SATL1: variants seen among roughly 807,000 people sequenced by gnomAD.
The protein encoded by SATL1 is spermidine/spermine N1-acetyl transferase like 1.
A neutral mutation model predicts 51.8 loss-of-function variants in SATL1; 47 were observed. That is an observed-to-expected ratio of 0.91 (90% CI 0.72 to 1.16). The LOEUF is 1.16. Ranked by LOEUF, SATL1 falls within the 50% of genes most tolerant of loss-of-function variation. SATL1 has a pLI of 0.00. For synonymous variants in SATL1, 176 were observed against 182.4 expected, an observed-to-expected ratio of 0.97 and a Z score of 0.28; for missense variants, 520 against 526.4, an observed-to-expected ratio of 0.99 and a Z score of 0.12.
At chrX:85,192,963 AC>A (rs1440975303) in intron 2 of SATL1, among the ~76,000 whole-genome samples, 1 of 111,157 alleles carries the variant, frequency 9.0e-6, no homozygotes, top group African/African-American at 3.3e-5. Flanking sequence ...ACTTCACTCT[AC>A]TCTACTCTTG....
chrX:85,228,298 C>T (rs1342077985), intron 1 of SATL1, among the ~76,000 whole-genome samples: 1 of 111,137 alleles, frequency 9.0e-6, no homozygotes, highest in Admixed American at 9.6e-5. Context: ...CACATACCTT[C>T]TCCCTATTCA....
intron 2 of SATL1, among the ~76,000 whole-genome samples, chrX:85,166,339 A>T (rs1926834251): frequency 8.9e-6 from 1 of 112,212 alleles, no homozygotes; most frequent in South Asian, 3.6e-4. Context: ...CAAACAGACA[A>T]CCAACAGAGT....
Position 85,092,488 on chromosome X carries a change from T to C in SATL1, c.1991A>G (p.Tyr664Cys). ...AAGGTCTAAAGCCCCTCGACTAGTA[T>C]AGTAGTTGATAGAAGCCTGGTTCCA... The part of the protein sequence containing the change: ...VIWNQASINY[Y>C]TSRGALDLSS... Residue 664 changes from tyrosine (Y) to cysteine (C), a missense_variant, in exon 8 of 8, where the codon TAT becomes TGT. By Grantham distance (194) the Tyr-to-Cys change is radical. This residue lies in a region of SATL1 where 488 missense variants were observed against 474.3 expected (regional missense o/e 1.03). Transcript: ENST00000644105. 1 of 1,209,510 alleles carries C rather than the reference T, an allele frequency of 8.3e-7. No homozygotes were observed.
chrX:85,126,664 A>G (rs1272222196), intron 2 of SATL1, among the ~76,000 whole-genome samples: 1 of 111,212 alleles, frequency 9.0e-6, no homozygotes, highest in Non-Finnish European at 1.9e-5. Flanking sequence ...TGATTTGGAC[A>G]GTCCAACCAG....
rs746653197 is a variant in SATL1, at chrX:85,202,349, T to C, written c.-313+21856A>G. On this transcript the variant is annotated intron_variant, in intron 2 of 7. Transcript: ENST00000644105. ...CAATTTTTGCTTTTGTTGAAGTTGC[T>C]CTTGGTGTCTTTGAACGGTATTTCT... Among the ~76,000 whole-genome samples, 6 of 112,224 alleles carry C rather than the reference T, an allele frequency of 5.3e-5. No individual in the cohort carries two copies. In the East Asian group the frequency reaches 1.7e-3, roughly 31 times the overall value.
At chrX:85,233,956 C>G (rs1024243030) in intron 1 of SATL1, among the ~76,000 whole-genome samples, 11 of 110,886 alleles carry the variant, frequency 9.9e-5, no homozygotes, top group Non-Finnish European at 2.1e-4. Context: ...TTATAAAACA[C>G]CAAGCAAATG....
At chrX:85,096,479 G>A (rs1457409845) in intron 4 of SATL1, among the ~76,000 whole-genome samples, 1 of 111,153 alleles carries the variant, frequency 9.0e-6, no homozygotes, top group Non-Finnish European at 1.9e-5. Flanking sequence ...GAGGGAGAGA[G>A]AGAATTTGAA....
intron 4 of SATL1, among the ~76,000 whole-genome samples, chrX:85,095,409 T>G (rs1924677060): frequency 8.9e-6 from 1 of 111,881 alleles, no homozygotes; most frequent in Non-Finnish European, 1.9e-5. Context: ...TAACTGCCAT[T>G]GTTCCAACCC....
intron 2 of SATL1, among the ~76,000 whole-genome samples, chrX:85,145,881 C>A (rs981942378): frequency 4.8e-5 from 5 of 103,613 alleles, no homozygotes; most frequent in Non-Finnish European, 7.8e-5. Flanking sequence ...ATTCACATAA[C>A]ATTTATTACA....
At chrX:85,152,147 G>A (rs756859367) in intron 2 of SATL1, among the ~76,000 whole-genome samples, 1 of 111,820 alleles carries the variant, frequency 8.9e-6, no homozygotes, top group African/African-American at 3.2e-5. Context: ...CCATCAAAAT[G>A]TGGGCGAAGG....
chrX:85,151,211 T>G (rs1926425073), intron 2 of SATL1, among the ~76,000 whole-genome samples: 1 of 110,118 alleles, frequency 9.1e-6, no homozygotes, highest in South Asian at 4.0e-4. Flanking sequence ...GAACTCCCAT[T>G]CACAATTGCT....
intron 2 of SATL1, among the ~76,000 whole-genome samples, chrX:85,197,762 C>T (rs1038899992): frequency 2.8e-5 from 3 of 107,174 alleles, no homozygotes; most frequent in Admixed American, 1.0e-4. Flanking sequence ...GTTTTTTGTC[C>T]TTGCGATAGT....
chrX:85,147,250 C>T (rs191817069), intron 2 of SATL1, among the ~76,000 whole-genome samples: 285 of 84,224 alleles, frequency 3.4e-3, no homozygotes, highest in African/African-American at 0.012. Flanking sequence ...AACTGAAAGG[C>T]GACAGCAAGG....
At chrX:85,129,182 A>G (rs1925710230) in intron 2 of SATL1, among the ~76,000 whole-genome samples, 1 of 112,024 alleles carries the variant, frequency 8.9e-6, no homozygotes, top group African/African-American at 3.2e-5. Flanking sequence ...AATTCTGTGA[A>G]GAAAGTTATT....
At chrX:85,106,668 C>T (rs1273813752) in intron 3 of SATL1, among the ~76,000 whole-genome samples, 1 of 111,565 alleles carries the variant, frequency 9.0e-6, no homozygotes, top group Admixed American at 9.5e-5. Context: ...TACTAGATAG[C>T]TTGTCCCTTT....
chrX:85,211,270 TCTTAA>T (rs1454061269), intron 2 of SATL1: 1 of 111,649 alleles, frequency 9.0e-6, no homozygotes, highest in African/African-American at 3.3e-5. Flanking sequence ...ATGTACATAC[TCTTAA>T]CTGGTGTGGC....
chrX:85,187,919 G>GT (rs1217682934), intron 2 of SATL1, among the ~76,000 whole-genome samples: 79 of 106,245 alleles, frequency 7.4e-4, no homozygotes, highest in Middle Eastern at 4.8e-3. Context: ...TCTCTTTAAT[G>GT]TTTTTTTTTT....
chrX:85,093,871 T>TA lies in SATL1; in HGVS notation c.1876+256dup, dbSNP rs1202201839. Among the ~76,000 whole-genome samples the TA allele has an allele frequency of 2.7e-5, 3 of 111,036 alleles. No homozygotes were observed. The East Asian group carries it at 8.5e-4, about 31-fold the overall frequency. On this transcript the variant is annotated intron_variant, in intron 6 of 7. Transcript: ENST00000644105. Reference sequence around the variant, plus strand: ...AGAAAACCCTGTCTCAAAAACAAAATAAAAAAATATATAGCCATGTGATAG... The same window carrying TA: ...AGAAAACCCTGTCTCAAAAACAAAATAAAAAAAATATATAGCCATGTGATAG...
chrX:85,145,702 T>A (rs1368305602), intron 2 of SATL1, among the ~76,000 whole-genome samples: 1 of 111,011 alleles, frequency 9.0e-6, no homozygotes, highest in African/African-American at 3.3e-5. Flanking sequence ...CAGTCATAGC[T>A]ATGAAAGATT....
Sources: gnomAD v4.1 joint callset for allele counts (sites outside exome capture counted in the v4.1 genomes callset) on GRCh38, gnomAD v4.1.1 for gene constraint, gnomAD v4.1.1 regional missense constraint, MANE v1.5 for transcripts, NCBI Gene and HGNC (gene_info 2026-07-23, HGNC 2026-07-21) for gene names.